FREM2: variants seen among roughly 807,000 people sequenced by gnomAD.
FREM2 encodes the protein FRAS1 related extracellular matrix 2.
A neutral mutation model predicts 219.9 loss-of-function variants in FREM2; 119 were observed. The ratio of observed to expected loss-of-function variants is 0.54; its 90% confidence interval spans 0.47 to 0.63. The LOEUF (loss-of-function observed/expected upper bound fraction) is 0.63, where lower values mean the gene tolerates loss of function less well. Among genes scored for constraint, FREM2 ranks in the 30% least tolerant of loss-of-function variants. FREM2 has a pLI of 0.00. For synonymous variants in FREM2, 1,562 were observed against 1,522.8 expected (o/e 1.03, Z -0.60); for missense variants, 4,030 against 3,993.6 (o/e 1.01, Z -0.25).
intron 6 of FREM2, among the ~76,000 whole-genome samples, chr13:38,795,702 A>G (rs2137843673): frequency 6.6e-6 from 1 of 152,306 alleles, no homozygotes; most frequent in East Asian, 1.9e-4. Flanking sequence ...GTATAATTAC[A>G]TATTTGTACT....
chr13:38,830,452 T>C (rs1372782409), intron 6 of FREM2, among the ~76,000 whole-genome samples: 1 of 152,158 alleles, frequency 6.6e-6, no homozygotes. Flanking sequence ...CACTTTCCCC[T>C]CAAGGGTCCC....
At chr13:38,780,190 AT>A (rs1161803798) in intron 4 of FREM2, among the ~76,000 whole-genome samples, 1 of 152,184 alleles carries the variant, frequency 6.6e-6, no homozygotes, top group African/African-American at 2.4e-5. Context: ...CAATTTTAAT[AT>A]GTTTAAAATG....
At chr13:38,761,574 G>A (rs1049590149) in intron 2 of FREM2, among the ~76,000 whole-genome samples, 1 of 152,148 alleles carries the variant, frequency 6.6e-6, no homozygotes, top group African/African-American at 2.4e-5. Flanking sequence ...ATGTAAATTA[G>A]TACAATTTAG....
rs778029314 is a variant in FREM2 at position 38,880,647 on chromosome 13, A to G, written c.9370A>G (p.Thr3124Ala). ...VVGGTTVGLL[T>A]ICLTVIAVLM... ...GGGAGGCACCACGGTAGGGTTACTC[A>G]CCATCTGCCTCACTGTCATTGCAGT... The change falls in exon 24 of 24, where the codon ACC becomes GCC. Residue 3124 changes from threonine (T) to alanine (A), a missense_variant. By Grantham distance (58) the Thr-to-Ala change is moderately conservative (BLOSUM62 0). Transcript: ENST00000280481. 1.2e-6 allele frequency: 2 copies of G among 1,614,020 alleles called. No homozygotes were observed. Among genetic ancestry groups the G allele is most frequent in the African/African-American group, 2.7e-5 (2 of 74,936 alleles).
intron 6 of FREM2, among the ~76,000 whole-genome samples, chr13:38,806,273 T>G (rs1875222906): frequency 6.6e-6 from 1 of 151,912 alleles, no homozygotes; most frequent in African/African-American, 2.4e-5. Flanking sequence ...GCCAGCTGTT[T>G]ATGGAGAATA....
At chr13:38,845,827 G>A (rs7322839) in intron 6 of FREM2, among the ~76,000 whole-genome samples, 40,003 of 151,940 alleles carry the variant, frequency 0.26, 6,983 homozygotes, top group African/African-American at 0.49. Flanking sequence ...ATCAATTCAA[G>A]TTTATCACCA....
chr13:38,860,273 A>G (rs1295898454), intron 14 of FREM2, among the ~76,000 whole-genome samples: 2 of 152,074 alleles, frequency 1.3e-5, no homozygotes, highest in Non-Finnish European at 2.9e-5. Flanking sequence ...GTATTACAAG[A>G]GAGACTGTAT....
At position 38,851,853 on chromosome 13, in the gene FREM2, C is replaced by T. The variant is rs942411933; in HGVS notation, c.6910C>T (p.His2304Tyr). The change falls in exon 11 of 24, where the codon CAC becomes TAC. Residue 2304 changes from histidine (H) to tyrosine (Y), a missense_variant. Physicochemically the swap from His to Tyr is moderately conservative, Grantham distance 83 (BLOSUM62 2). Around this residue, in one of 2 missense-constraint regions of FREM2, gnomAD observed 3,102 missense variants for 2,950.7 expected, o/e 1.05. Coordinates refer to ENST00000280481, the MANE Select transcript of FREM2 (RefSeq NM_207361.6). ...DGSATSGEDY[H>Y]PVSEEIEFKE... is the part of the protein sequence containing the mutation. ...CTCGGCCACCTCTGGAGAAGACTACCACCCTGTGTCAGAAGGTATGGGGCT... is the reference window on the plus strand; with the variant it reads ...CTCGGCCACCTCTGGAGAAGACTACTACCCTGTGTCAGAAGGTATGGGGCT... 2.5e-6 allele frequency: 4 copies of T among 1,613,724 alleles called. No homozygotes were observed. The Admixed American group carries it at 5.0e-5, about 20-fold the overall frequency.
chr13:38,848,328 T>C (rs921437955), intron 7 of FREM2, 133 bp from the exon 8 acceptor site: 3 of 721,520 alleles, frequency 4.2e-6, no homozygotes, highest in Non-Finnish European at 7.2e-6. Context: ...TTATTAAATG[T>C]ACTTTTCTGT....
chr13:38,832,711 G>A (rs867771663), intron 6 of FREM2, among the ~76,000 whole-genome samples: 9 of 152,006 alleles, frequency 5.9e-5, no homozygotes, highest in Non-Finnish European at 1.0e-4. Context: ...TTTCATAGTT[G>A]CTTTAGGTGT....
Position 38,856,275 on chromosome 13 carries a change from A to T in FREM2, c.7056+19A>T. On this transcript the variant is annotated intron_variant, in intron 12 of 23. Coordinates refer to ENST00000280481, the MANE Select transcript of FREM2 (RefSeq NM_207361.6). ...GATGCAGGTAAGTAATGTAATGTGT[A>T]TGTAAATTCATGGCTAGCAGTTTGT... The T allele has an allele frequency of 1.2e-6, 2 of 1,606,914 alleles. No homozygotes were observed. The highest frequency in any genetic ancestry group is 1.7e-6 in the Non-Finnish European group (2 of 1,174,620).
chr13:38,790,319 C>A (rs1414989886), intron 6 of FREM2, among the ~76,000 whole-genome samples: 1 of 152,124 alleles, frequency 6.6e-6, no homozygotes, highest in Non-Finnish European at 1.5e-5. Flanking sequence ...TCAAATGCAA[C>A]CCACTCAGGA....
intron 2 of FREM2, among the ~76,000 whole-genome samples, chr13:38,732,397 A>T (rs907607334): frequency 1.5e-4 from 23 of 152,160 alleles, no homozygotes; most frequent in Non-Finnish European, 2.6e-4. Flanking sequence ...CTATGTATTC[A>T]TTACATTTTG....
In FREM2 at chr13:38,690,349, A is replaced by G; in HGVS notation, c.3005A>G (p.Glu1002Gly). 1 of 1,614,224 alleles carries G rather than the reference A, an allele frequency of 6.2e-7. No individual in the cohort carries two copies. The highest frequency in any genetic ancestry group is 1.3e-5 in the African/African-American group (1 of 75,060). The change falls in exon 1 of 24, where the codon GAG becomes GGG. Residue 1002 changes from glutamate to glycine, a missense_variant. Coordinates refer to ENST00000280481, the MANE Select transcript of FREM2 (RefSeq NM_207361.6). ...ATCTTGGTCAATGGCATTCCAGCAG[A>G]GCAGTTTACTCAAAGGGACATCTTG... is the stretch of plus-strand genomic sequence containing the variant. ...GEILVNGIPA[E>G]QFTQRDILEG...
At chr13:38,796,865 G>T (rs1240024016) in intron 6 of FREM2, among the ~76,000 whole-genome samples, 1 of 151,758 alleles carries the variant, frequency 6.6e-6, no homozygotes, top group African/African-American at 2.4e-5. Context: ...TGGGTTTTTT[G>T]TTTGTTTCTG....
At position 38,878,851 on chromosome 13, in the gene FREM2, A is replaced by G. The variant is rs1242538078; in HGVS notation, c.8880A>G (p.Thr2960=). The change falls in exon 23 of 24, where the codon ACA becomes ACG. Residue 2960 remains threonine, a synonymous_variant. Transcript: ENST00000280481. ...TAAAGGACAAAGCTCAGCCAGAGAC[A>G]CAAGCGACCAGTTTTGGAAATGTCC... The part of the protein sequence containing the change: ...FKIVDKAQPE[T]QATSFGNVLF... The G allele has an allele frequency of 1.4e-5, 23 of 1,614,210 alleles. No individual in the cohort carries two copies. The highest frequency in any genetic ancestry group is 1.9e-5 in the Non-Finnish European group (23 of 1,180,026).
At chr13:38,702,075 G>A (rs1870365228) in intron 2 of FREM2, among the ~76,000 whole-genome samples, 1 of 152,034 alleles carries the variant, frequency 6.6e-6, no homozygotes, top group African/African-American at 2.4e-5. Flanking sequence ...ACAATTCCCA[G>A]TAGACCCTTT....
rs1469697160 is a variant in FREM2 at position 38,864,510 on chromosome 13, C to T, written c.7887C>T (p.Asn2629=). The T allele has an allele frequency of 6.2e-7, 1 of 1,614,216 alleles. No individual in the cohort carries two copies. Among genetic ancestry groups the T allele is most frequent in the Non-Finnish European group, 8.5e-7 (1 of 1,180,026 alleles). The part of the protein sequence containing the change: ...RGSTTLRFYR[N]LNLEACLWEF... ...CCACTACCTTGCGCTTCTACCGGAA[C>T]CTGAACCTAGAGGCCTGTTTATGGG... The change falls in exon 16 of 24, where the codon AAC becomes AAT. Residue 2629 remains asparagine, a synonymous_variant. Transcript: ENST00000280481.
intron 17 of FREM2, among the ~76,000 whole-genome samples, chr13:38,873,642 C>T (rs964222217): frequency 1.3e-5 from 2 of 151,974 alleles, no homozygotes; most frequent in Non-Finnish European, 2.9e-5. Context: ...ATTAGTAGGA[C>T]GAGTGCTTTT....
Sources: gnomAD v4.1 joint callset for allele counts (sites outside exome capture counted in the v4.1 genomes callset) on GRCh38, gnomAD v4.1.1 for gene constraint, gnomAD v4.1.1 regional missense constraint, MANE v1.5 for transcripts, NCBI Gene and HGNC (gene_info 2026-07-23, HGNC 2026-07-21) for gene names.